Variants in TNFAIP8L3 observed in about 807,000 individuals in gnomAD.
The protein encoded by TNFAIP8L3 is tumor necrosis factor alpha-induced protein 8-like protein 3.
TNFAIP8L3 carries 7 observed loss-of-function variants against 11.8 expected under a neutral mutation model. That is an observed-to-expected ratio of 0.59 (90% CI 0.34 to 1.11). The LOEUF (loss-of-function observed/expected upper bound fraction) is 1.11. Among genes scored for constraint, TNFAIP8L3 ranks in the 50% most tolerant of loss-of-function variants. TNFAIP8L3 has a pLI of 0.03. For missense variants in TNFAIP8L3, 219 were observed against 258.6 expected (o/e 0.85, Z 1.05); for synonymous variants, 98 against 103.8 (o/e 0.94, Z 0.34).
chr15:51,070,772 C>T (rs1203531949), intron 1 of TNFAIP8L3, among the ~76,000 whole-genome samples: 1 of 152,032 alleles, frequency 6.6e-6, no homozygotes, highest in African/African-American at 2.4e-5. Flanking sequence ...TCTGGCCGGG[C>T]GCGGTGGCTC....
rs2065216768 is a variant in TNFAIP8L3 at position 51,057,961 on chromosome 15, T to C, written c.535A>G (p.Ser179Gly). Residue 179 changes from serine to glycine, a missense_variant, in exon 2 of 2, where the codon AGT becomes GGT. Ser to Gly is a moderately conservative substitution (Grantham distance 56). Coordinates refer to ENST00000637513, the MANE Select transcript of TNFAIP8L3 (RefSeq NM_001311175.2). ...TTGGGCCTACAGTCTCCATCCAGAC[T>C]ATAGAGGGTGGAGAGGAACTCCACA... Reference protein sequence around the residue: ...ADVEFLSTLYSLDGDCRPNLK... With the variant: ...ADVEFLSTLYGLDGDCRPNLK... 6.2e-7 allele frequency: 1 copy of C among 1,613,998 alleles called. No homozygotes were observed. The highest frequency in any genetic ancestry group is 2.2e-5 in the East Asian group (1 of 44,898).
intron 1 of TNFAIP8L3, among the ~76,000 whole-genome samples, chr15:51,092,604 G>A (rs2065479566): frequency 6.6e-6 from 1 of 152,204 alleles, no homozygotes; most frequent in African/African-American, 2.4e-5. Flanking sequence ...AAACAGTAAG[G>A]TGCAAACAAA....
Position 51,058,543 on chromosome 15 carries a change from G to A in TNFAIP8L3, c.53-100C>T. 8.9e-6 allele frequency: 10 copies of A among 1,122,100 alleles called. No individual in the cohort carries two copies. The South Asian group carries it at 1.8e-4, about 20-fold the overall frequency. The allele number at this position is 1,122,100 out of a possible 1,614,324, so 69.5% of individuals were successfully genotyped here. A position where few individuals can be genotyped will look rare whatever the true frequency, so the allele number is the denominator to read the frequency against. ...ACTAACTTGAACTTATGTTCTTAGA[G>A]CAAAAACTCATGTCTTTATATTCCC... On this transcript the variant is annotated intron_variant, in intron 1 of 1. Coordinates refer to ENST00000637513, the MANE Select transcript of TNFAIP8L3 (RefSeq NM_001311175.2).
At chr15:51,080,551 T>A (rs2065383761) in intron 1 of TNFAIP8L3, among the ~76,000 whole-genome samples, 1 of 152,214 alleles carries the variant, frequency 6.6e-6, no homozygotes. Context: ...TGTGTCCATC[T>A]CCTGTTTCTT....
chr15:51,057,866 T>C lies in TNFAIP8L3; in HGVS notation c.*15A>G. On this transcript the variant is annotated 3_prime_UTR_variant, in exon 2 of 2. Transcript: ENST00000637513. ...GTAACTTTAAAGCAGCAAAGTCCAGTAGGAGGGAAGGCATTTAAAGGACTT... is the reference window on the plus strand; with the variant it reads ...GTAACTTTAAAGCAGCAAAGTCCAGCAGGAGGGAAGGCATTTAAAGGACTT... 1.3e-6 allele frequency: 2 copies of C among 1,549,892 alleles called. No individual in the cohort carries two copies. The highest frequency in any genetic ancestry group is 1.7e-6 in the Non-Finnish European group (2 of 1,148,534).
chr15:51,069,170 C>T (rs1226026159), intron 1 of TNFAIP8L3, among the ~76,000 whole-genome samples: 1 of 152,190 alleles, frequency 6.6e-6, no homozygotes, highest in African/African-American at 2.4e-5. Context: ...CCAGCTCTGG[C>T]TTAGGTGCCC....
intron 1 of TNFAIP8L3, among the ~76,000 whole-genome samples, chr15:51,068,452 G>A (rs1475957301): frequency 6.6e-6 from 1 of 152,120 alleles, no homozygotes; most frequent in Non-Finnish European, 1.5e-5. Flanking sequence ...TCCTTTTCCA[G>A]TAAGGAAGAG....
chr15:51,092,212 G>GTA (rs2065476565), intron 1 of TNFAIP8L3, among the ~76,000 whole-genome samples: 1 of 152,106 alleles, frequency 6.6e-6, no homozygotes, highest in Admixed American at 6.5e-5. Context: ...TGTGAGGCAG[G>GTA]TACACACACA....
intron 1 of TNFAIP8L3, among the ~76,000 whole-genome samples, chr15:51,061,990 A>C (rs1311456307): frequency 6.6e-6 from 1 of 152,024 alleles, no homozygotes; most frequent in Non-Finnish European, 1.5e-5. Context: ...GTCCAATTAA[A>C]ATTTTTTTCT....
chr15:51,059,933 C>CCACAG (rs1213348692), intron 1 of TNFAIP8L3, among the ~76,000 whole-genome samples: 1 of 152,236 alleles, frequency 6.6e-6, no homozygotes, highest in African/African-American at 2.4e-5. Context: ...CAGGGGCCTT[C>CCACAG]CACAGTCCCA....
chr15:51,095,031 AG>A (rs1315432397), upstream of TNFAIP8L3, among the ~76,000 whole-genome samples: 1 of 152,006 alleles, frequency 6.6e-6, no homozygotes, highest in African/African-American at 2.4e-5. Context: ...TGCAAGGCCG[AG>A]CCCCTTCCCT....
At chr15:51,090,405 T>G (rs75459454) in intron 1 of TNFAIP8L3, among the ~76,000 whole-genome samples, 6,632 of 152,240 alleles carry the variant, frequency 0.044, 460 homozygotes, top group African/African-American at 0.15. Flanking sequence ...CTCTGCCAGA[T>G]GTACATTCTG....
intron 1 of TNFAIP8L3, among the ~76,000 whole-genome samples, chr15:51,081,669 A>G (rs1367206118): frequency 6.6e-6 from 1 of 152,246 alleles, no homozygotes; most frequent in African/African-American, 2.4e-5. Context: ...CAACAACACA[A>G]CAGAAAACAA....
In TNFAIP8L3 at chr15:51,057,771, G is replaced by T; in HGVS notation, c.*110C>A. 1 of 960,546 alleles carries T rather than the reference G, an allele frequency of 1.0e-6. No homozygotes were observed. Among genetic ancestry groups the T allele is most frequent in the Non-Finnish European group, 1.5e-6 (1 of 647,346 alleles). 59.5% of individuals were successfully genotyped at this position (960,546 alleles called of 1,614,324 possible). On this transcript the variant is annotated 3_prime_UTR_variant, in exon 2 of 2. Transcript: ENST00000637513. ...CAGCATCAGAGGGATGAACAGGAAA[G>T]AACATGGACATCTTTGACAAGGGTT... is the stretch of plus-strand genomic sequence containing the variant.
exon 1 of TNFAIP8L3, chr15:51,105,093 T>G (rs771957883): frequency 2.4e-5 from 38 of 1,614,224 alleles, no homozygotes; most frequent in Non-Finnish European, 3.1e-5. Context: ...TCCCTGCATA[T>G]CCGTTGACCC....
intron 1 of TNFAIP8L3, among the ~76,000 whole-genome samples, chr15:51,093,921 C>A (rs1304486036): frequency 1.3e-5 from 2 of 152,160 alleles, no homozygotes; most frequent in East Asian, 3.9e-4. Flanking sequence ...CTCTTAAAGG[C>A]GAAGTCGGGA....
intron 1 of TNFAIP8L3, among the ~76,000 whole-genome samples, chr15:51,079,855 C>CAAAA (rs10602536): frequency 4.6e-3 from 352 of 76,280 alleles, no homozygotes; most frequent in Middle Eastern, 7.9e-3. Flanking sequence ...GACTTTGTCT[C>CAAAA]AAAAAAAAAA....
At chr15:51,074,942 C>A (rs1487258284) in intron 1 of TNFAIP8L3, among the ~76,000 whole-genome samples, 1 of 152,242 alleles carries the variant, frequency 6.6e-6, no homozygotes, top group African/African-American at 2.4e-5. Context: ...TGCACTGCGA[C>A]TGGCCATCTA....
At chr15:51,090,996 AG>A (rs1480205908) in intron 1 of TNFAIP8L3, among the ~76,000 whole-genome samples, 4 of 152,182 alleles carry the variant, frequency 2.6e-5, no homozygotes, top group Non-Finnish European at 4.4e-5. Flanking sequence ...ACCACTCCCA[AG>A]TGAATACACC....
Sources: allele counts gnomAD v4.1 joint callset (sites outside exome capture counted in the v4.1 genomes callset), GRCh38; gene constraint gnomAD v4.1.1; transcripts MANE v1.5; gene names NCBI Gene and HGNC (gene_info 2026-07-23, HGNC 2026-07-21).